Variants in RANBP3L observed in about 807,000 individuals in gnomAD.
RANBP3L encodes RAN binding protein 3 like, also known as ran-binding protein 3-like.
A neutral mutation model predicts 67.2 loss-of-function variants in RANBP3L; 56 were observed. That is an observed-to-expected ratio of 0.83 (90% confidence interval 0.67 to 1.04). The LOEUF is 1.04. Among genes scored for constraint, RANBP3L ranks in the 50% least tolerant of loss-of-function variants. RANBP3L has a pLI of 0.00. For synonymous variants in RANBP3L, 164 were observed against 181.4 expected, an observed-to-expected ratio of 0.90 and a Z score of 0.77; for missense variants, 496 against 535.5, an observed-to-expected ratio of 0.93 and a Z score of 0.73.
rs397786019 is a variant in RANBP3L, at chr5:36,298,299, T to TAA, written c.91+3025_91+3026dup. Among the ~76,000 whole-genome samples, 457 of 128,056 alleles carry TAA rather than the reference T, an allele frequency of 3.6e-3. 3 individuals carry two copies. The highest frequency in any genetic ancestry group is 8.9e-3 in the African/African-American group (308 of 34,626). The allele number at this position is 128,056 out of a possible 152,430, so 84.0% of individuals were successfully genotyped here. A position where few individuals can be genotyped will look rare whatever the true frequency, so the allele number is the denominator to read the frequency against. ...TGGGTGACAGAGTGAGACTCCATCTTAAAAAAAAAAAAAAAAAGGAAAAGA... is the reference window on the plus strand; with the variant it reads ...TGGGTGACAGAGTGAGACTCCATCTTAAAAAAAAAAAAAAAAAAAGGAAAAGA... On this transcript the variant is annotated intron_variant, in intron 1 of 13. Coordinates refer to ENST00000296604, the MANE Select transcript of RANBP3L (RefSeq NM_145000.5).
rs1424197263 is a variant in RANBP3L, at chr5:36,269,441, C to A, written c.217G>T (p.Val73Leu). ...PECNGFPTKR[V>L]RSSSFTFHIT... ...TGAAAAGTAAAAGATGAAGACCGTA[C>A]ACGCTTTGTTGGAAAACCATTACAT... Residue 73 changes from valine (V) to leucine (L), a missense_variant, in exon 4 of 14, where the codon GTA becomes TTA. Coordinates refer to ENST00000296604, the MANE Select transcript of RANBP3L (RefSeq NM_145000.5). 1 of 1,577,938 alleles carries A rather than the reference C, an allele frequency of 6.3e-7. No individual in the cohort carries two copies. Among genetic ancestry groups the A allele is most frequent in the African/African-American group, 1.3e-5 (1 of 74,416 alleles).
At chr5:36,268,725 T>TC (rs1237489518) in intron 4 of RANBP3L, among the ~76,000 whole-genome samples, 3 of 152,044 alleles carry the variant, frequency 2.0e-5, no homozygotes, top group African/African-American at 7.2e-5. Flanking sequence ...TTTTTTTTTT[T>TC]TTCTTAGGAG....
At chr5:36,301,094 GT>G (rs1752578065) in intron 1 of RANBP3L, among the ~76,000 whole-genome samples, 1 of 152,178 alleles carries the variant, frequency 6.6e-6, no homozygotes, top group African/African-American at 2.4e-5. Flanking sequence ...AAAAAACACA[GT>G]GGCTAGAAGT....
At chr5:36,288,083 T>C (rs1411921013) in intron 1 of RANBP3L, among the ~76,000 whole-genome samples, 1 of 152,192 alleles carries the variant, frequency 6.6e-6, no homozygotes, top group Non-Finnish European at 1.5e-5. Context: ...TTTTGACAAA[T>C]GTGTGTGCAC....
intron 1 of RANBP3L, among the ~76,000 whole-genome samples, chr5:36,297,535 T>C (rs1392319895): frequency 2.0e-5 from 3 of 152,112 alleles, no homozygotes. Context: ...AATGAAATAA[T>C]GTATATGAGA....
chr5:36,266,847 C>G (rs1236890698), intron 4 of RANBP3L, among the ~76,000 whole-genome samples: 1 of 152,052 alleles, frequency 6.6e-6, no homozygotes, highest in Non-Finnish European at 1.5e-5. Flanking sequence ...ACCTCTGCCT[C>G]CTGGGTTCAA....
chr5:36,273,667 A>AT (rs1016505304), intron 1 of RANBP3L, among the ~76,000 whole-genome samples: 1 of 152,136 alleles, frequency 6.6e-6, no homozygotes, highest in African/African-American at 2.4e-5. Context: ...TCTACAGCAG[A>AT]TTTTTTTACC....
intron 13 of RANBP3L, among the ~76,000 whole-genome samples, chr5:36,250,410 T>G (rs1455070376): frequency 6.6e-6 from 1 of 152,084 alleles, no homozygotes; most frequent in Non-Finnish European, 1.5e-5. Context: ...TTTTTCCTTT[T>G]GATTATAGCT....
chr5:36,265,448 C>A lies in RANBP3L; in HGVS notation c.340+1G>T. 1 of 1,577,968 alleles carries A rather than the reference C, an allele frequency of 6.3e-7. No individual in the cohort carries two copies. The highest frequency in any genetic ancestry group is 1.1e-5 in the South Asian group (1 of 88,608). On this transcript the variant is annotated splice_donor_variant, in intron 5 of 13. Transcript: ENST00000296604. LOFTEE classifies it high-confidence loss of function. ...AGGTTCTTGAAATAGAAGCTACATA[C>A]CTTGTTCAGCACTCTTTATATCAAC...
intron 4 of RANBP3L, among the ~76,000 whole-genome samples, chr5:36,266,070 T>C (rs368918268): frequency 8.4e-4 from 127 of 151,934 alleles, no homozygotes; most frequent in African/African-American, 2.7e-3. Context: ...ATTAGGTGAC[T>C]AGCAGAAAAG....
At chr5:36,292,335 T>C (rs1751852212) in intron 1 of RANBP3L, among the ~76,000 whole-genome samples, 1 of 151,912 alleles carries the variant, frequency 6.6e-6, no homozygotes, top group Admixed American at 6.6e-5. Context: ...GAAAATTTTC[T>C]CCCATTTTGT....
In RANBP3L at chr5:36,252,729, G is replaced by A. The variant is rs139097590; in HGVS notation, c.1167+918C>T. Among the ~76,000 whole-genome samples the A allele has an allele frequency of 3.4e-3, 513 of 152,132 alleles. 3 individuals carry two copies. Among genetic ancestry groups the A allele is most frequent in the African/African-American group, 0.012 (492 of 41,514 alleles). On this transcript the variant is annotated intron_variant, in intron 12 of 13. Coordinates refer to ENST00000296604, the MANE Select transcript of RANBP3L (RefSeq NM_145000.5). ...GCTACTTTACCCACCTAAAACCAAG[G>A]GGGAATCTGGCCCAGACGACTGGCA...
chr5:36,280,919 A>C (rs1326414322), intron 1 of RANBP3L, among the ~76,000 whole-genome samples: 1 of 152,216 alleles, frequency 6.6e-6, no homozygotes, highest in Non-Finnish European at 1.5e-5. Flanking sequence ...TGTTTAACTT[A>C]ATATGACTTT....
At chr5:36,263,008 C>T (rs1749507127) in intron 6 of RANBP3L, among the ~76,000 whole-genome samples, 1 of 151,488 alleles carries the variant, frequency 6.6e-6, no homozygotes, top group Admixed American at 6.6e-5. Flanking sequence ...TTTTGATATA[C>T]AAGATAATAA....
intron 1 of RANBP3L, among the ~76,000 whole-genome samples, chr5:36,288,184 A>G (rs1289508946): frequency 6.6e-6 from 1 of 152,162 alleles, no homozygotes; most frequent in Non-Finnish European, 1.5e-5. Flanking sequence ...CTGGGCAACA[A>G]CTGTTCTGAT....
rs963531496 is a variant in RANBP3L at position 36,301,533 on chromosome 5, C to G, written c.-117G>C. ...ATACATAGATTCATGCAGATCTTGT[C>G]TTTGCATGTACAACATATACTCCTC... On this transcript the variant is annotated 5_prime_UTR_variant, in exon 1 of 14. Transcript: ENST00000296604. 30 of 703,854 alleles carry G rather than the reference C, an allele frequency of 4.3e-5. No individual in the cohort carries two copies. In the African/African-American group the frequency reaches 4.5e-4, roughly 11 times the overall value. 43.6% of individuals were successfully genotyped at this position (703,854 alleles called of 1,614,324 possible).
At chr5:36,292,744 T>C (rs1223726514) in intron 1 of RANBP3L, among the ~76,000 whole-genome samples, 1 of 152,132 alleles carries the variant, frequency 6.6e-6, no homozygotes, top group African/African-American at 2.4e-5. Flanking sequence ...GGCTCTGTTC[T>C]GTTCCATTGA....
intron 1 of RANBP3L, among the ~76,000 whole-genome samples, chr5:36,289,542 T>C (rs536080907): frequency 6.6e-6 from 1 of 152,300 alleles, no homozygotes; most frequent in Admixed American, 6.5e-5. Context: ...GGGATGTATC[T>C]CTTCTTATAA....
intron 4 of RANBP3L, among the ~76,000 whole-genome samples, chr5:36,265,780 C>T (rs1238392891): frequency 3.9e-5 from 6 of 152,042 alleles, no homozygotes; most frequent in African/African-American, 1.2e-4. Flanking sequence ...CGAGACCAGC[C>T]TGGCCAACAT....
Sources: allele counts gnomAD v4.1 joint callset (sites outside exome capture counted in the v4.1 genomes callset), GRCh38; gene constraint gnomAD v4.1.1; transcripts MANE v1.5; gene names NCBI Gene and HGNC (gene_info 2026-07-23, HGNC 2026-07-21).